Variants in UVSSA observed in about 807,000 individuals in gnomAD.
UVSSA encodes the protein UV-stimulated scaffold protein A.
A neutral mutation model predicts 73.9 loss-of-function variants in UVSSA; 72 were observed. That is an observed-to-expected ratio of 0.97 (90% CI 0.81 to 1.19). UVSSA has a LOEUF of 1.19. Among genes scored for constraint, UVSSA ranks in the 50% most tolerant of loss-of-function variants. UVSSA has a pLI of 0.00. For synonymous variants in UVSSA, 454 were observed against 391.3 expected, an observed-to-expected ratio of 1.16 and a Z score of -1.89; for missense variants, 1,150 against 965.0, an observed-to-expected ratio of 1.19 and a Z score of -2.54.
upstream of UVSSA, among the ~76,000 whole-genome samples, chr4:1,345,346 CAGGCCCAGGCACGG>C (rs1200912053): frequency 6.6e-6 from 1 of 152,046 alleles, no homozygotes; most frequent in African/African-American, 2.4e-5. Flanking sequence ...GGATGCAGGG[CAGGCCCAGGCACGG>C]TGGCCCAGGC....
At chr4:1,365,926 G>A (rs910807010) in intron 7 of UVSSA, among the ~76,000 whole-genome samples, 6 of 149,840 alleles carry the variant, frequency 4.0e-5, no homozygotes, top group East Asian at 2.0e-4. Context: ...CCTAAGCCTC[G>A]GGGGCACCAC....
intron 7 of UVSSA, 143 bp from the exon 8 acceptor site, chr4:1,366,177 C>T (rs1717297687): frequency 3.0e-6 from 2 of 665,206 alleles, no homozygotes; most frequent in African/African-American, 1.8e-5. Flanking sequence ...ATCTTAAATG[C>T]AGTCCAACCG....
intron 7 of UVSSA, among the ~76,000 whole-genome samples, chr4:1,360,181 G>C (rs991431411): frequency 1.3e-5 from 2 of 152,250 alleles, no homozygotes; most frequent in Admixed American, 6.5e-5. Context: ...CTGCCCACGG[G>C]GGGCGGGGTG....
chr4:1,378,875 C>T (rs1719094127), intron 10 of UVSSA, among the ~76,000 whole-genome samples: 3 of 152,256 alleles, frequency 2.0e-5, no homozygotes, highest in South Asian at 2.1e-4. Flanking sequence ...ACGCCTCTGC[C>T]TGTAGTGGGG....
At chr4:1,371,602 A>G (rs1327500943) in intron 8 of UVSSA, among the ~76,000 whole-genome samples, 1 of 152,228 alleles carries the variant, frequency 6.6e-6, no homozygotes, top group Non-Finnish European at 1.5e-5. Flanking sequence ...AGGCCTCACA[A>G]TCATGGTGGA....
At chr4:1,379,541 C>T (rs1002438025) in intron 10 of UVSSA, among the ~76,000 whole-genome samples, 3 of 152,210 alleles carry the variant, frequency 2.0e-5, no homozygotes, top group Non-Finnish European at 4.4e-5. Flanking sequence ...AGCACCCGGC[C>T]CCTCTGTGCT....
chr4:1,365,974 C>T (rs1044970278), intron 7 of UVSSA: 12 of 179,076 alleles, frequency 6.7e-5, no homozygotes, highest in South Asian at 4.0e-4. Context: ...GATAACTCCC[C>T]TAAGCCCCGG....
chr4:1,351,708 T>C lies in UVSSA; in HGVS notation c.430-7T>C. ...CTGTCCCCTAGTCTTTATTTTCAAT[T>C]GCTCAGGTGGATTTTCAAGACACGA... On this transcript the variant is annotated splice_polypyrimidine_tract_variant and splice_region_variant and intron_variant, in intron 3 of 13. Transcript: ENST00000389851. 3 of 1,612,636 alleles carry C rather than the reference T, an allele frequency of 1.9e-6. No individual in the cohort carries two copies. The highest frequency in any genetic ancestry group is 2.5e-6 in the Non-Finnish European group (3 of 1,179,210).
chr4:1,342,523 TATTC>T (rs1346560994), upstream of UVSSA, among the ~76,000 whole-genome samples: 1 of 152,258 alleles, frequency 6.6e-6, no homozygotes, highest in East Asian at 1.9e-4. Flanking sequence ...CAGTTCAATT[TATTC>T]TTTCTTTTGT....
intron 8 of UVSSA, among the ~76,000 whole-genome samples, chr4:1,371,310 A>G (rs754964261): frequency 2.0e-5 from 3 of 151,008 alleles, no homozygotes; most frequent in Admixed American, 1.3e-4. Context: ...TGACGTGTAC[A>G]TGACTTTCCG....
In UVSSA at chr4:1,354,574, TC is replaced by T. The variant is rs1010618738; in HGVS notation, c.935-159del. 4.2e-5 allele frequency: 26 copies of T among 621,686 alleles called. No homozygotes were observed. The African/African-American group carries it at 4.4e-4, about 11-fold the overall frequency. The allele number at this position is 621,686 out of a possible 1,614,324, so 38.5% of individuals were successfully genotyped here. A position where few individuals can be genotyped will look rare whatever the true frequency, so the allele number is the denominator to read the frequency against. On this transcript the variant is annotated intron_variant, in intron 5 of 13. Transcript: ENST00000389851. Reference sequence around the variant, plus strand: ...TTCTTTTCTAAGATAATAAAACACTTCCTTCTCACAGCATCAGGTTTGGGAT... The same window carrying T: ...TTCTTTTCTAAGATAATAAAACACTTCTTCTCACAGCATCAGGTTTGGGAT...
chr4:1,368,890 C>T (rs77806774), intron 8 of UVSSA, among the ~76,000 whole-genome samples: 6,323 of 152,320 alleles, frequency 0.042, 272 homozygotes, highest in East Asian at 0.2. Flanking sequence ...GTCCCCACAG[C>T]GCCCTCCTCT....
Position 1,375,519 on chromosome 4 carries a change from G to T in UVSSA, c.1433+11G>T, listed in dbSNP as rs543841488. The stretch of plus-strand genomic sequence containing the variant: ...ACCCTCATCTGCCAGGTGACTCCCA[G>T]TGTCCTGTGTGCTGAGCCCCCTGCC... On this transcript the variant is annotated intron_variant, in intron 9 of 13. Coordinates refer to ENST00000389851, the MANE Select transcript of UVSSA (RefSeq NM_020894.4). 32 of 1,606,716 alleles carry T rather than the reference G, an allele frequency of 2.0e-5. No individual in the cohort carries two copies. Among genetic ancestry groups the T allele is most frequent in the Non-Finnish European group, 2.5e-5 (30 of 1,179,270 alleles).
chr4:1,375,523 C>T lies in UVSSA; in HGVS notation c.1433+15C>T, dbSNP rs2109266104. 6.2e-7 allele frequency: 1 copy of T among 1,606,058 alleles called. No individual in the cohort carries two copies. Among genetic ancestry groups the T allele is most frequent in the East Asian group, 2.2e-5 (1 of 44,856 alleles). On this transcript the variant is annotated intron_variant, in intron 9 of 13. Coordinates refer to ENST00000389851, the MANE Select transcript of UVSSA (RefSeq NM_020894.4). ...TCATCTGCCAGGTGACTCCCAGTGT[C>T]CTGTGTGCTGAGCCCCCTGCCCGGC...
At chr4:1,355,328 C>T (rs1180267227) in intron 7 of UVSSA, 83 bp downstream of exon 7, 20 of 1,396,754 alleles carry the variant, frequency 1.4e-5, no homozygotes, top group Non-Finnish European at 9.8e-7. Flanking sequence ...GTGCCCTGGG[C>T]CTGTGGGCCC....
chr4:1,395,657 G>A (rs1720533049), exon 14 of UVSSA: 3 of 1,603,778 alleles, frequency 1.9e-6, no homozygotes, highest in Non-Finnish European at 2.6e-6. Context: ...CATGTGGAGT[G>A]CCTGCCTGCT....
chr4:1,393,123 C>T (rs1041939234), exon 14 of UVSSA: 11 of 152,198 alleles, frequency 7.2e-5, no homozygotes, highest in African/African-American at 9.7e-5. Flanking sequence ...TCCTTTATTC[C>T]GGAATTTTTT....
chr4:1,361,576 T>TGCTGCAGTCAGCCCTGCACCGCTCCGCCC (rs1439105166), intron 7 of UVSSA, among the ~76,000 whole-genome samples: 3 of 152,256 alleles, frequency 2.0e-5, no homozygotes, highest in Non-Finnish European at 4.4e-5. Context: ...CCCGCACGCT[T>TGCTGCAGTCAGCCCTGCACCGCTCCGCCC]GCTGCAGTCA....
chr4:1,355,107 C>T lies in UVSSA; in HGVS notation c.1048-10C>T, dbSNP rs200149945. 2,072 of 1,613,192 alleles carry T rather than the reference C, an allele frequency of 1.3e-3. 1 individual carries two copies. Among genetic ancestry groups the T allele is most frequent in the Non-Finnish European group, 1.6e-3 (1,860 of 1,179,678 alleles). ...CCGGCCCCTGAGCTGTTCGCACCCC[C>T]GTTTCGCAGCGCTTCACCCGCGTCG... On this transcript the variant is annotated splice_polypyrimidine_tract_variant and intron_variant, in intron 6 of 13. Coordinates refer to ENST00000389851, the MANE Select transcript of UVSSA (RefSeq NM_020894.4).
Sources: allele counts gnomAD v4.1 joint callset (sites outside exome capture counted in the v4.1 genomes callset), GRCh38; gene constraint gnomAD v4.1.1; transcripts MANE v1.5; gene names NCBI Gene and HGNC (gene_info 2026-07-23, HGNC 2026-07-21).